The following DTNA variants were observed in gnomAD, a reference collection of about 807,000 sequenced individuals.
DTNA encodes the protein dystrobrevin alpha.
A neutral mutation model predicts 100.7 loss-of-function variants in DTNA; 43 were observed. The observed-to-expected ratio is 0.43, with a 90% CI of 0.33 to 0.55. DTNA has a LOEUF of 0.55. DTNA is among the 20% of genes least tolerant of loss of function. The pLI, the probability that DTNA is intolerant of heterozygous loss-of-function variation, is 0.04. For synonymous variants in DTNA, 349 were observed against 347.9 expected (o/e 1.00, Z -0.04); for missense variants, 798 against 953.9 (o/e 0.84, Z 2.15).
intron 1 of DTNA, among the ~76,000 whole-genome samples, chr18:34,664,818 A>G (rs2075677016): frequency 6.6e-6 from 1 of 152,154 alleles, no homozygotes; most frequent in African/African-American, 2.4e-5. Flanking sequence ...GTAAATATTG[A>G]TAGGTATAAT....
intron 1 of DTNA, among the ~76,000 whole-genome samples, chr18:34,519,095 A>G (rs1051358785): frequency 2.0e-5 from 3 of 152,142 alleles, no homozygotes; most frequent in Admixed American, 6.6e-5. Context: ...TGGTGATGTT[A>G]TCCAAAAGGA....
chr18:34,882,115 TATGAAA>T lies in DTNA; in HGVS notation c.2214_2219del (p.Glu738_Asn739del), dbSNP rs1163317148. 6.2e-7 allele frequency: 1 copy of T among 1,613,984 alleles called. No homozygotes were observed. Among genetic ancestry groups the T allele is most frequent in the African/African-American group, 1.3e-5 (1 of 74,914 alleles). The stretch of plus-strand genomic sequence containing the variant: ...CTATGTGCAGCCTGAAGATGAAAAC[TATGAAA>T]ATGACTCTGTCCGGCAGCTGGAGAA... On this transcript the variant is annotated inframe_deletion, in exon 21 of 23. Transcript: ENST00000444659.
chr18:34,750,475 A>G (rs895941341), intron 1 of DTNA, among the ~76,000 whole-genome samples: 1 of 152,152 alleles, frequency 6.6e-6, no homozygotes, highest in Non-Finnish European at 1.5e-5. Flanking sequence ...CAGTTTACCA[A>G]TTTCAGAAAA....
Position 34,805,363 on chromosome 18 carries a change from C to T in DTNA, c.363-856C>T, listed in dbSNP as rs535576434. Among the ~76,000 whole-genome samples, 230 of 152,156 alleles carry T rather than the reference C, an allele frequency of 1.5e-3. 2 individuals are homozygous for T. The South Asian group carries it at 0.029, about 19-fold the overall frequency. ...TTTTTAAGACAGAGTCTCCCTCTGT[C>T]GCCCAGGCTGGAGTGCAGTGGCACA... On this transcript the variant is annotated intron_variant, in intron 4 of 22. Coordinates refer to ENST00000444659, the MANE Select transcript of DTNA (RefSeq NM_001386795.1).
At chr18:34,724,374 A>T (rs2086094925) in intron 1 of DTNA, among the ~76,000 whole-genome samples, 1 of 152,250 alleles carries the variant, frequency 6.6e-6, no homozygotes, top group Admixed American at 6.5e-5. Context: ...TTTACTAAGC[A>T]TTATCATAAA....
At chr18:34,778,649 T>A (rs900882553) in intron 3 of DTNA, among the ~76,000 whole-genome samples, 5 of 152,190 alleles carry the variant, frequency 3.3e-5, no homozygotes, top group Non-Finnish European at 7.3e-5. Flanking sequence ...CCAAATAGAC[T>A]AACCTCTGGG....
chr18:34,619,730 A>G (rs1306369271), intron 1 of DTNA, among the ~76,000 whole-genome samples: 5 of 152,168 alleles, frequency 3.3e-5, no homozygotes, highest in African/African-American at 1.2e-4. Context: ...TTTTAGTGGG[A>G]TATCCAAACT....
At chr18:34,756,954 T>C (rs1327590064) in intron 2 of DTNA, among the ~76,000 whole-genome samples, 1 of 152,126 alleles carries the variant, frequency 6.6e-6, no homozygotes. Context: ...CAAAATTAGG[T>C]TTCTACTAAA....
chr18:34,656,919 C>T (rs1046286737), intron 1 of DTNA, among the ~76,000 whole-genome samples: 1 of 152,076 alleles, frequency 6.6e-6, no homozygotes, highest in African/African-American at 2.4e-5. Flanking sequence ...TTCTGTCACC[C>T]AGGATGCAGT....
chr18:34,524,319 C>T (rs2042410714), intron 1 of DTNA, among the ~76,000 whole-genome samples: 1 of 151,956 alleles, frequency 6.6e-6, no homozygotes, highest in Non-Finnish European at 1.5e-5. Context: ...GATTATTTTC[C>T]AACTGGAAAT....
intron 1 of DTNA, among the ~76,000 whole-genome samples, chr18:34,660,560 C>T (rs1179385943): frequency 6.6e-6 from 1 of 152,030 alleles, no homozygotes; most frequent in Non-Finnish European, 1.5e-5. Context: ...CTTTCCAGGT[C>T]TTTTTCCTGA....
intron 1 of DTNA, among the ~76,000 whole-genome samples, chr18:34,686,759 G>A (rs1029923944): frequency 1.3e-5 from 2 of 151,998 alleles, no homozygotes; most frequent in African/African-American, 2.4e-5. Flanking sequence ...CTATGAATCC[G>A]TCTAGTCCTG....
At chr18:34,613,637 A>T (rs549819154) in intron 1 of DTNA, among the ~76,000 whole-genome samples, 1 of 152,354 alleles carries the variant, frequency 6.6e-6, no homozygotes, top group East Asian at 1.9e-4. Flanking sequence ...TAGCCACAAC[A>T]TTCCCTTAAG....
chr18:34,849,344 C>T (rs1266530361), intron 14 of DTNA, among the ~76,000 whole-genome samples: 1 of 152,112 alleles, frequency 6.6e-6, no homozygotes, highest in Non-Finnish European at 1.5e-5. Flanking sequence ...TTTGGAAAAA[C>T]CTCTTTTCCA....
At chr18:34,845,441 A>G (rs1000659250) in intron 13 of DTNA, among the ~76,000 whole-genome samples, 2 of 152,198 alleles carry the variant, frequency 1.3e-5, no homozygotes, top group Non-Finnish European at 2.9e-5. Context: ...TACTTTTATC[A>G]GAAGTTTTTA....
rs2094915997 is a variant in DTNA, at chr18:34,795,141, T to C, written c.362+891T>C. On this transcript the variant is annotated intron_variant, in intron 4 of 22. Transcript: ENST00000444659. ...AAAAAGGAAAATTGCTAACCTGACC[T>C]TTCAGCAATCACATTTTGAGATTCT... Among the ~76,000 whole-genome samples, 3 of 152,300 alleles carry C rather than the reference T, an allele frequency of 2.0e-5. No individual in the cohort carries two copies. The South Asian group carries it at 6.2e-4, about 32-fold the overall frequency.
intron 13 of DTNA, among the ~76,000 whole-genome samples, chr18:34,842,896 G>A (rs1434324347): frequency 6.6e-6 from 1 of 151,824 alleles, no homozygotes; most frequent in African/African-American, 2.4e-5. Context: ...TGACTGGTTA[G>A]TTGGTTGGTT....
chr18:34,876,512 A>G (rs2096820429), intron 18 of DTNA, among the ~76,000 whole-genome samples: 1 of 152,226 alleles, frequency 6.6e-6, no homozygotes, highest in Admixed American at 6.5e-5. Flanking sequence ...ACAAAGAGAA[A>G]TTGCCAATAA....
intron 4 of DTNA, among the ~76,000 whole-genome samples, chr18:34,802,832 T>G (rs2095259092): frequency 1.3e-5 from 2 of 152,202 alleles, no homozygotes; most frequent in African/African-American, 4.8e-5. Flanking sequence ...ACAAATTTTT[T>G]TCAACCATTA....
Sources: gnomAD v4.1 joint callset for allele counts (sites outside exome capture counted in the v4.1 genomes callset) on GRCh38, gnomAD v4.1.1 for gene constraint, MANE v1.5 for transcripts, NCBI Gene and HGNC (gene_info 2026-07-23, HGNC 2026-07-21) for gene names.